Variants in GULP1 observed in about 807,000 individuals in gnomAD.
GULP1 encodes the protein GULP PTB domain containing engulfment adaptor 1.
In GULP1, 19 loss-of-function variants were observed where a neutral mutation model predicts 40.9. The ratio of observed to expected loss-of-function variants is 0.46; its 90% confidence interval spans 0.32 to 0.68. The LOEUF (loss-of-function observed/expected upper bound fraction) is 0.68. Ranked by LOEUF, GULP1 falls within the 30% of genes least tolerant of loss-of-function variation. The pLI, the probability that GULP1 is intolerant of heterozygous loss-of-function variation, is 0.03. For synonymous variants in GULP1, 119 were observed against 117.6 expected, an observed-to-expected ratio of 1.01 and a Z score of -0.08; for missense variants, 312 against 362.2, an observed-to-expected ratio of 0.86 and a Z score of 1.12.
intron 4 of GULP1, among the ~76,000 whole-genome samples, chr2:188,504,772 T>C (rs977059194): frequency 5.3e-5 from 8 of 151,914 alleles, no homozygotes; most frequent in African/African-American, 1.9e-4. Flanking sequence ...GCTTTATTTT[T>C]ATTTCAGCTA....
At chr2:188,560,837 C>T (rs1334710337) in intron 7 of GULP1, among the ~76,000 whole-genome samples, 1 of 152,054 alleles carries the variant, frequency 6.6e-6, no homozygotes, top group Admixed American at 6.5e-5. Context: ...TTTTAAGTGA[C>T]CAGATCTCAT....
intron 4 of GULP1, among the ~76,000 whole-genome samples, chr2:188,484,905 A>C (rs1000650870): frequency 6.6e-6 from 1 of 152,150 alleles, no homozygotes; most frequent in Non-Finnish European, 1.5e-5. Flanking sequence ...TTTTCTATAA[A>C]CTTAACATAA....
At chr2:188,541,471 A>G (rs1326657195) in intron 7 of GULP1, 153 bp downstream of exon 7, 1 of 729,954 alleles carries the variant, frequency 1.4e-6, no homozygotes, top group Admixed American at 2.0e-5. Context: ...TAATAGATTT[A>G]TTTTGTCATG....
At chr2:188,425,589 C>T (rs890869146) in intron 2 of GULP1, among the ~76,000 whole-genome samples, 1 of 152,094 alleles carries the variant, frequency 6.6e-6, no homozygotes, top group Non-Finnish European at 1.5e-5. Flanking sequence ...TTTACATAAC[C>T]GTTTATCTTA....
At chr2:188,549,815 T>C (rs189311206) in intron 7 of GULP1, among the ~76,000 whole-genome samples, 6 of 151,856 alleles carry the variant, frequency 4.0e-5, no homozygotes, top group Admixed American at 3.9e-4. Context: ...TCTCCAGAGA[T>C]TAAGGAATGC....
At chr2:188,297,388 T>A (rs2035198347) in intron 1 of GULP1, 1 of 437,782 alleles carries the variant, frequency 2.3e-6, no homozygotes, top group Non-Finnish European at 4.6e-6. Context: ...CTGATAAGTT[T>A]ATCAGGTATT....
intron 7 of GULP1, among the ~76,000 whole-genome samples, chr2:188,560,049 G>A (rs1695843187): frequency 6.6e-6 from 1 of 152,124 alleles, no homozygotes; most frequent in Admixed American, 6.5e-5. Context: ...CCCAGTCTTG[G>A]GTATGTCTTT....
chr2:188,405,669 A>ATTCC (rs2052977787), intron 2 of GULP1, among the ~76,000 whole-genome samples: 1 of 152,208 alleles, frequency 6.6e-6, no homozygotes, highest in African/African-American at 2.4e-5. Flanking sequence ...CCAAGCTTAC[A>ATTCC]TTCAGGGACT....
intron 3 of GULP1, among the ~76,000 whole-genome samples, chr2:188,479,666 CCTT>C (rs1487792629): frequency 6.6e-6 from 1 of 152,024 alleles, no homozygotes; most frequent in Non-Finnish European, 1.5e-5. Context: ...TACTTCTAGA[CCTT>C]CTTTTTATAT....
At chr2:188,484,456 C>A (rs1322797881) in intron 4 of GULP1, among the ~76,000 whole-genome samples, 1 of 151,900 alleles carries the variant, frequency 6.6e-6, no homozygotes, top group Admixed American at 6.6e-5. Flanking sequence ...TTCGAAGAGT[C>A]AGAAATGAGT....
chr2:188,559,571 C>T (rs1695715625), intron 7 of GULP1, among the ~76,000 whole-genome samples: 2 of 152,138 alleles, frequency 1.3e-5, no homozygotes, highest in Admixed American at 1.3e-4. Context: ...TTTGATTTTA[C>T]AGGCTCATAG....
At chr2:188,584,113 C>T (rs764701151) in intron 9 of GULP1, 152 bp from the exon 10 acceptor site, 104 of 509,258 alleles carry the variant, frequency 2.0e-4, no homozygotes, top group Admixed American at 3.4e-4. Context: ...TATGAAATTG[C>T]GAATACTTAA....
chr2:188,513,970 ACTC>A (rs1025313298), intron 4 of GULP1, among the ~76,000 whole-genome samples: 26 of 149,514 alleles, frequency 1.7e-4, no homozygotes, highest in African/African-American at 6.4e-4. Context: ...TTCTCTGAGT[ACTC>A]CTGTTTCCTC....
intron 2 of GULP1, among the ~76,000 whole-genome samples, chr2:188,453,081 G>A (rs2058964767): frequency 6.6e-6 from 1 of 151,776 alleles, no homozygotes. Context: ...GCCTCCCAAA[G>A]TGCTAGGATT....
chr2:188,479,567 T>C (rs1292937132), intron 3 of GULP1, among the ~76,000 whole-genome samples: 1 of 152,116 alleles, frequency 6.6e-6, no homozygotes, highest in Non-Finnish European at 1.5e-5. Context: ...CGGGAGCCAC[T>C]GTGCTCAATC....
At chr2:188,307,819 A>G (rs1375157723) in intron 1 of GULP1, among the ~76,000 whole-genome samples, 1 of 152,248 alleles carries the variant, frequency 6.6e-6, no homozygotes, top group Non-Finnish European at 1.5e-5. Flanking sequence ...GAAGAACTTC[A>G]GAAGGAGAAT....
chr2:188,464,241 G>A (rs1029550589), intron 2 of GULP1, among the ~76,000 whole-genome samples: 1 of 152,160 alleles, frequency 6.6e-6, no homozygotes, highest in African/African-American at 2.4e-5. Flanking sequence ...GTTCCCTAAT[G>A]CTGTGGTTCT....
intron 1 of GULP1, among the ~76,000 whole-genome samples, chr2:188,367,846 T>C (rs541587852): frequency 2.0e-5 from 3 of 152,250 alleles, no homozygotes; most frequent in South Asian, 2.1e-4. Context: ...AAAAGCCCAG[T>C]TGATCTCTTG....
At chr2:188,421,554 T>G (rs1364249986) in intron 2 of GULP1, among the ~76,000 whole-genome samples, 3 of 152,296 alleles carry the variant, frequency 2.0e-5, no homozygotes, top group Non-Finnish European at 4.4e-5. Flanking sequence ...ATCAATCACT[T>G]AAATGTTTTT....
Sources: allele counts gnomAD v4.1 joint callset (sites outside exome capture counted in the v4.1 genomes callset), GRCh38; gene constraint gnomAD v4.1.1; transcripts MANE v1.5; gene names NCBI Gene and HGNC (gene_info 2026-07-23, HGNC 2026-07-21).